ELMO1: variants seen among roughly 807,000 people sequenced by gnomAD.
ELMO1 encodes the protein engulfment and cell motility 1, also known as engulfment and cell motility protein 1.
Under a neutral mutation model 98.9 loss-of-function variants are expected in ELMO1, and 26 were observed. The observed-to-expected ratio is 0.26, with a 90% CI of 0.19 to 0.36. The LOEUF is 0.36. ELMO1 is among the 10% of genes least tolerant of loss of function. The probability of loss-of-function intolerance (pLI) is 1.00; values close to 1 mark genes in which losing one functional copy is unlikely to be tolerated. For synonymous variants in ELMO1, 346 were observed against 346.0 expected (o/e 1.00, Z 0.00); for missense variants, 627 against 935.2 (o/e 0.67, Z 4.30).
chr7:37,036,881 A>G (rs1485029381), intron 15 of ELMO1, among the ~76,000 whole-genome samples: 1 of 152,228 alleles, frequency 6.6e-6, no homozygotes, highest in Non-Finnish European at 1.5e-5. Flanking sequence ...GCAAGAAAAT[A>G]TTCAAAAGAA....
chr7:36,857,493 A>C (rs1448281134), intron 21 of ELMO1, among the ~76,000 whole-genome samples: 1 of 152,084 alleles, frequency 6.6e-6, no homozygotes, highest in African/African-American at 2.4e-5. Flanking sequence ...TGTTCTTTTC[A>C]CACAGCCTTC....
At chr7:37,422,391 C>T (rs553863616) in intron 1 of ELMO1, among the ~76,000 whole-genome samples, 1 of 152,292 alleles carries the variant, frequency 6.6e-6, no homozygotes, top group Admixed American at 6.5e-5. Context: ...CTTAATTCAT[C>T]AGCTTTTTTC....
chr7:36,977,055 A>G (rs780196171), intron 16 of ELMO1, among the ~76,000 whole-genome samples: 1 of 152,164 alleles, frequency 6.6e-6, no homozygotes, highest in Non-Finnish European at 1.5e-5. Context: ...CTGTTTCCTT[A>G]TCTATAAAAG....
chr7:37,384,094 C>T (rs1294147216), intron 1 of ELMO1, among the ~76,000 whole-genome samples: 1 of 152,154 alleles, frequency 6.6e-6, no homozygotes, highest in Non-Finnish European at 1.5e-5. Flanking sequence ...GGATTACAGG[C>T]GTGAGCCACT....
At chr7:36,883,522 C>T (rs747992454) in intron 18 of ELMO1, among the ~76,000 whole-genome samples, 2 of 152,224 alleles carry the variant, frequency 1.3e-5, no homozygotes, top group African/African-American at 4.8e-5. Context: ...AATGTTTTAG[C>T]GCCATCCTCC....
chr7:37,331,162 C>A (rs1480522579), intron 2 of ELMO1, among the ~76,000 whole-genome samples: 1 of 142,220 alleles, frequency 7.0e-6, no homozygotes, highest in African/African-American at 2.5e-5. Context: ...AAGGGAAAAA[C>A]TACTGCATTT....
intron 16 of ELMO1, among the ~76,000 whole-genome samples, chr7:36,990,298 G>C (rs1223894634): frequency 1.3e-5 from 2 of 152,198 alleles, no homozygotes; most frequent in Non-Finnish European, 2.9e-5. Flanking sequence ...GGGAAACCTA[G>C]ATTTTGTTAG....
chr7:36,940,463 A>C (rs1008678447), intron 16 of ELMO1, among the ~76,000 whole-genome samples: 2 of 152,194 alleles, frequency 1.3e-5, no homozygotes, highest in African/African-American at 4.8e-5. Context: ...AGCCCTTAAG[A>C]GGGTAATTTA....
chr7:37,272,554 A>T (rs1796620235), intron 4 of ELMO1, among the ~76,000 whole-genome samples: 1 of 152,190 alleles, frequency 6.6e-6, no homozygotes, highest in Admixed American at 6.5e-5. Flanking sequence ...AGGCGCCTGT[A>T]ATCCCAGCTA....
chr7:37,171,790 C>T lies in ELMO1; in HGVS notation c.1087-38556G>A, dbSNP rs1372414325. On this transcript the variant is annotated intron_variant, in intron 13 of 21. Coordinates refer to ENST00000310758, the MANE Select transcript of ELMO1 (RefSeq NM_014800.11). ...TACAGGCGTGAGCCACCACGCCTGG[C>T]CGCCTTTCTCTTCTAATACATTTTA... Among the ~76,000 whole-genome samples, 9 of 152,070 alleles carry T rather than the reference C, an allele frequency of 5.9e-5. 1 individual carries two copies. Among genetic ancestry groups the T allele is most frequent in the Admixed American group, 5.9e-4 (9 of 15,266 alleles).
chr7:37,301,452 C>G (rs1377701334), intron 4 of ELMO1, among the ~76,000 whole-genome samples: 1 of 152,036 alleles, frequency 6.6e-6, no homozygotes, highest in East Asian at 1.9e-4. Flanking sequence ...TGTAGTATTT[C>G]TCCCCCATAG....
rs188222320 is a variant in ELMO1 at position 37,366,052 on chromosome 7, C to T, written c.-73-23289G>A. On this transcript the variant is annotated intron_variant, in intron 1 of 21. Transcript: ENST00000310758. Reference sequence around the variant, plus strand: ...AGGTTCCCAAGTTTATTAAAATGACCTAGAAGTTGTTTCTAAATTCTAAGT... The same window carrying T: ...AGGTTCCCAAGTTTATTAAAATGACTTAGAAGTTGTTTCTAAATTCTAAGT... 3.1e-4 allele frequency among the ~76,000 whole-genome samples: 47 copies of T among 152,286 alleles called. 1 individual carries two copies. The highest frequency in any genetic ancestry group is 1.2e-3 in the South Asian group (6 of 4,830).
chr7:36,856,583 C>G (rs1802212800), intron 21 of ELMO1, among the ~76,000 whole-genome samples: 1 of 152,174 alleles, frequency 6.6e-6, no homozygotes, highest in East Asian at 1.9e-4. Flanking sequence ...AGACTATGAT[C>G]TCTGTGAGGG....
chr7:37,095,532 T>C (rs1584635448), intron 15 of ELMO1, among the ~76,000 whole-genome samples: 1 of 152,252 alleles, frequency 6.6e-6, no homozygotes, highest in African/African-American at 2.4e-5. Flanking sequence ...AAAATGCTCA[T>C]GTTCCATGTC....
intron 15 of ELMO1, among the ~76,000 whole-genome samples, chr7:37,046,491 C>A (rs1795804175): frequency 6.6e-6 from 1 of 152,080 alleles, no homozygotes; most frequent in Non-Finnish European, 1.5e-5. Flanking sequence ...TTGAGTTGGC[C>A]AAAGAAAGAA....
intron 16 of ELMO1, among the ~76,000 whole-genome samples, chr7:37,009,292 C>G (rs192394757): frequency 6.6e-6 from 1 of 152,190 alleles, no homozygotes; most frequent in Non-Finnish European, 1.5e-5. Flanking sequence ...TGATAGAACA[C>G]ACACTCAATG....
At chr7:36,928,289 C>T (rs1361159920) in intron 16 of ELMO1, among the ~76,000 whole-genome samples, 3 of 152,140 alleles carry the variant, frequency 2.0e-5, no homozygotes, top group Admixed American at 1.3e-4. Flanking sequence ...CATTCTAAAT[C>T]TCCTTCTGCC....
chr7:37,368,857 T>C (rs908710170), intron 1 of ELMO1, among the ~76,000 whole-genome samples: 3 of 152,208 alleles, frequency 2.0e-5, no homozygotes, highest in Admixed American at 2.0e-4. Context: ...CTGGACTACA[T>C]TGGGCTATTG....
intron 13 of ELMO1, among the ~76,000 whole-genome samples, chr7:37,198,074 C>T (rs1477965394): frequency 1.3e-5 from 2 of 152,206 alleles, no homozygotes; most frequent in East Asian, 1.9e-4. Context: ...AGGACATCCT[C>T]GGCCATGTGC....
Sources: gnomAD v4.1 joint callset for allele counts (sites outside exome capture counted in the v4.1 genomes callset) on GRCh38, gnomAD v4.1.1 for gene constraint, MANE v1.5 for transcripts, NCBI Gene and HGNC (gene_info 2026-07-23, HGNC 2026-07-21) for gene names.